Variants in TGFBR3 observed in about 807,000 individuals in gnomAD.
The protein encoded by TGFBR3 is transforming growth factor beta receptor 3.
A neutral mutation model predicts 87.9 loss-of-function variants in TGFBR3; 46 were observed. That is an observed-to-expected ratio of 0.52 (90% confidence interval 0.41 to 0.67). The LOEUF is 0.67. Among genes scored for constraint, TGFBR3 ranks in the 30% least tolerant of loss-of-function variants. The pLI is 0.00. For missense variants in TGFBR3, 866 were observed against 1,041.9 expected (o/e 0.83, Z 2.32); for synonymous variants, 381 against 391.6 (o/e 0.97, Z 0.32).
intron 2 of TGFBR3, among the ~76,000 whole-genome samples, chr1:91,800,228 C>CAAA (rs148518308): frequency 1.7e-5 from 2 of 114,308 alleles, no homozygotes; most frequent in African/African-American, 7.4e-5. Context: ...CCCATCTCTA[C>CAAA]AAAAAAAAAA....
rs17880554 is a variant in TGFBR3, at chr1:91,797,604, C to T, written c.62-133G>A. 962 of 897,690 alleles carry T rather than the reference C, an allele frequency of 1.1e-3. 7 individuals are homozygous for T. In the African/African-American group the frequency reaches 0.014, roughly 13 times the overall value. 55.6% of individuals were successfully genotyped at this position (897,690 alleles called of 1,614,324 possible). On this transcript the variant is annotated intron_variant, in intron 2 of 16. Coordinates refer to ENST00000212355, the MANE Select transcript of TGFBR3 (RefSeq NM_003243.5). ...GGTAAACTGTTCCAAGACTAAGTGGCCAAAAAGCTAGCCTATCTTCTAAAA... is the reference window on the plus strand; with the variant it reads ...GGTAAACTGTTCCAAGACTAAGTGGTCAAAAAGCTAGCCTATCTTCTAAAA...
chr1:91,728,430 A>G (rs1259657540), intron 6 of TGFBR3, among the ~76,000 whole-genome samples: 1 of 152,240 alleles, frequency 6.6e-6, no homozygotes, highest in Non-Finnish European at 1.5e-5. Context: ...TAAAGAAAAC[A>G]GATGGTCAAC....
rs77358813 is a variant in TGFBR3 at position 91,732,000 on chromosome 1, C to T, written c.569-2027G>A. Among the ~76,000 whole-genome samples the T allele has an allele frequency of 7.1e-3, 1,074 of 152,224 alleles. 16 individuals carry two copies. The highest frequency in any genetic ancestry group is 0.025 in the African/African-American group (1,044 of 41,520). On this transcript the variant is annotated intron_variant, in intron 5 of 16. Transcript: ENST00000212355. ...GAATGCCTGGCATCAAAACTTATAC[C>T]GAGTGCCAAGTAGAAAGGAAACCAC...
chr1:91,775,915 G>A (rs1674550785), intron 3 of TGFBR3, among the ~76,000 whole-genome samples: 1 of 152,154 alleles, frequency 6.6e-6, no homozygotes, highest in Non-Finnish European at 1.5e-5. Context: ...TTTTGCTAAA[G>A]GGCAAAATAC....
At chr1:91,745,329 A>G (rs775269088) in intron 4 of TGFBR3, among the ~76,000 whole-genome samples, 4 of 152,254 alleles carry the variant, frequency 2.6e-5, no homozygotes, top group Non-Finnish European at 5.9e-5. Flanking sequence ...GAGCAAAACA[A>G]GGAAAACAAA....
chr1:91,755,638 G>A (rs970505848), intron 4 of TGFBR3, among the ~76,000 whole-genome samples: 5 of 152,110 alleles, frequency 3.3e-5, no homozygotes, highest in African/African-American at 9.7e-5. Context: ...TTACTAAAGC[G>A]GCCACCTTCT....
At chr1:91,797,151 ATT>A in intron 3 of TGFBR3, 134 bp downstream of exon 3, 1 of 1,010,218 alleles carries the variant, frequency 9.9e-7, no homozygotes, top group Admixed American at 1.7e-5. Flanking sequence ...AGCAGCTGGT[ATT>A]TTAAATCTGT....
chr1:91,838,625 A>ATT (rs71311981), intron 2 of TGFBR3, among the ~76,000 whole-genome samples: 229 of 140,568 alleles, frequency 1.6e-3, no homozygotes, highest in Middle Eastern at 3.7e-3. Context: ...CACCCGACTA[A>ATT]TTTTTTTTTT....
At chr1:91,692,865 A>G (rs916424075) in intron 16 of TGFBR3, among the ~76,000 whole-genome samples, 4 of 152,246 alleles carry the variant, frequency 2.6e-5, no homozygotes, top group Non-Finnish European at 5.9e-5. Flanking sequence ...CGTGCTGCAC[A>G]TGGAATGGAA....
At chr1:91,873,537 C>T (rs1290199466) in intron 1 of TGFBR3, among the ~76,000 whole-genome samples, 25 of 151,748 alleles carry the variant, frequency 1.6e-4, no homozygotes, top group Admixed American at 1.4e-3. Flanking sequence ...CAGGAGTCCT[C>T]GAGACTCCTG....
intron 4 of TGFBR3, among the ~76,000 whole-genome samples, chr1:91,749,691 C>A (rs921582938): frequency 6.6e-6 from 1 of 151,808 alleles, no homozygotes; most frequent in East Asian, 1.9e-4. Flanking sequence ...TGTGGAGAAC[C>A]CTTACCAAAG....
intron 3 of TGFBR3, among the ~76,000 whole-genome samples, chr1:91,789,177 T>C (rs1675088443): frequency 6.6e-6 from 1 of 152,122 alleles, no homozygotes; most frequent in African/African-American, 2.4e-5. Context: ...CATGGTGGCG[T>C]ATGCCTGTAG....
At position 91,766,053 on chromosome 1, in the gene TGFBR3, G is replaced by T. The variant is rs57972277; in HGVS notation, c.247-7303C>A. Among the ~76,000 whole-genome samples the T allele has an allele frequency of 2.0e-3, 301 of 152,010 alleles. 1 individual carries two copies. The highest frequency in any genetic ancestry group is 7.1e-3 in the African/African-American group (294 of 41,480). On this transcript the variant is annotated intron_variant, in intron 3 of 16. Coordinates refer to ENST00000212355, the MANE Select transcript of TGFBR3 (RefSeq NM_003243.5). The stretch of plus-strand genomic sequence containing the variant: ...TCAAGTTCTCCTTTTTTTGAGACAA[G>T]ATCTCACTCTGTCGCCCAGGCTGGA...
At chr1:91,720,675 C>G (rs554250635) in intron 8 of TGFBR3, among the ~76,000 whole-genome samples, 2 of 152,288 alleles carry the variant, frequency 1.3e-5, no homozygotes, top group South Asian at 4.1e-4. Context: ...AGACTGAGAA[C>G]CAATGGAACA....
chr1:91,873,566 G>A (rs900648216), intron 1 of TGFBR3, among the ~76,000 whole-genome samples: 1 of 151,928 alleles, frequency 6.6e-6, no homozygotes, highest in South Asian at 2.1e-4. Flanking sequence ...CTCCAAAAGT[G>A]TTGGGATTAT....
In TGFBR3 at chr1:91,719,269, A is replaced by T. The variant is rs771906390; in HGVS notation, c.1566+43T>A. 3.7e-6 allele frequency: 6 copies of T among 1,613,918 alleles called. No homozygotes were observed. In the Admixed American group the frequency reaches 1.0e-4, roughly 27 times the overall value. ...ACTAACTTTAAGGGAGCACACAGCC[A>T]GGCTCTGGCAAAGGGCAAAGCTTTG... is the stretch of plus-strand genomic sequence containing the variant. On this transcript the variant is annotated intron_variant, in intron 10 of 16. Coordinates refer to ENST00000212355, the MANE Select transcript of TGFBR3 (RefSeq NM_003243.5).
chr1:91,819,368 G>C (rs1395116625), intron 2 of TGFBR3, among the ~76,000 whole-genome samples: 1 of 137,414 alleles, frequency 7.3e-6, no homozygotes, highest in East Asian at 2.0e-4. Flanking sequence ...ACTCCGTCTG[G>C]GAAAAAAAAA....
chr1:91,766,077 G>A (rs757389418), intron 3 of TGFBR3, among the ~76,000 whole-genome samples: 4 of 151,932 alleles, frequency 2.6e-5, no homozygotes, highest in Non-Finnish European at 5.9e-5. Flanking sequence ...GCCCAGGCTG[G>A]AGTGCAGTTG....
At position 91,875,791 on chromosome 1, in the gene TGFBR3, G is replaced by C. The variant is rs569089828; in HGVS notation, c.-114+10087C>G. Among the ~76,000 whole-genome samples, 246 of 56,184 alleles carry C rather than the reference G, an allele frequency of 4.4e-3. 35 individuals carry two copies. Among genetic ancestry groups the C allele is most frequent in the African/African-American group, 0.012 (236 of 20,058 alleles). 36.9% of individuals were successfully genotyped at this position (56,184 alleles called of 152,430 possible). ...TAATCCCAGCTACTCGGGCGGGGGG[G>C]GGGGGTGGGAGTGTGCAGCTGAGGG... On this transcript the variant is annotated intron_variant, in intron 1 of 16. Transcript: ENST00000212355.
Sources: allele counts gnomAD v4.1 joint callset (sites outside exome capture counted in the v4.1 genomes callset), GRCh38; gene constraint gnomAD v4.1.1; transcripts MANE v1.5; gene names NCBI Gene and HGNC (gene_info 2026-07-23, HGNC 2026-07-21).